Variants in PLCL1 observed in about 807,000 individuals in gnomAD.
The protein encoded by PLCL1 is phospholipase C like 1 (inactive), also known as inactive phospholipase C-like protein 1.
PLCL1 carries 41 observed loss-of-function variants against 84.4 expected under a neutral mutation model. The ratio of observed to expected loss-of-function variants is 0.49; its 90% CI spans 0.38 to 0.63. PLCL1 has a LOEUF of 0.63. Among genes scored for constraint, PLCL1 ranks in the 30% least tolerant of loss-of-function variants. PLCL1 has a pLI of 0.00. For missense variants in PLCL1, 1,206 were observed against 1,367.8 expected, an observed-to-expected ratio of 0.88 and a Z score of 1.87; for synonymous variants, 490 against 488.3, an observed-to-expected ratio of 1.00 and a Z score of -0.05.
intron 1 of PLCL1, among the ~76,000 whole-genome samples, chr2:197,891,162 T>G (rs1422147528): frequency 6.6e-6 from 1 of 151,980 alleles, no homozygotes; most frequent in African/African-American, 2.4e-5. Flanking sequence ...TCTCCTACAT[T>G]TAGGTACTGA....
chr2:197,928,201 TA>T (rs1209072681), intron 1 of PLCL1, among the ~76,000 whole-genome samples: 2 of 152,178 alleles, frequency 1.3e-5, no homozygotes, highest in Non-Finnish European at 2.9e-5. Flanking sequence ...TCCAGAATGA[TA>T]TATGTATTAG....
rs988330950 is a variant in PLCL1, at chr2:198,147,937, A to G, written c.*975A>G. Reference sequence around the variant, plus strand: ...TAAATTTAAAGATATTGTTCAAACAATATCATATCATCACATTGAGCTGAT... The same window carrying G: ...TAAATTTAAAGATATTGTTCAAACAGTATCATATCATCACATTGAGCTGAT... On this transcript the variant is annotated 3_prime_UTR_variant, in exon 6 of 6. Transcript: ENST00000428675. 5 of 152,350 alleles carry G rather than the reference A, an allele frequency of 3.3e-5. No homozygotes were observed. Among genetic ancestry groups the G allele is most frequent in the African/African-American group, 9.6e-5 (4 of 41,478 alleles). 9.4% of individuals were successfully genotyped at this position (152,350 alleles called of 1,614,324 possible).
At chr2:197,993,856 A>G (rs1229609717) in intron 1 of PLCL1, among the ~76,000 whole-genome samples, 1 of 152,226 alleles carries the variant, frequency 6.6e-6, no homozygotes, top group East Asian at 1.9e-4. Context: ...GGATAGTAAC[A>G]GGTGGAGGCT....
chr2:197,917,680 T>C (rs961353611), intron 1 of PLCL1, among the ~76,000 whole-genome samples: 6 of 152,128 alleles, frequency 3.9e-5, no homozygotes, highest in African/African-American at 1.4e-4. Context: ...GACAAGACGA[T>C]AAAAGGAACC....
At chr2:198,021,320 A>C (rs1208317068) in intron 1 of PLCL1, among the ~76,000 whole-genome samples, 1 of 152,202 alleles carries the variant, frequency 6.6e-6, no homozygotes, top group Non-Finnish European at 1.5e-5. Flanking sequence ...CAGCACCCTA[A>C]CATCACAATT....
intron 1 of PLCL1, among the ~76,000 whole-genome samples, chr2:197,936,789 T>A (rs1338468844): frequency 1.3e-5 from 2 of 152,200 alleles, no homozygotes; most frequent in East Asian, 1.9e-4. Flanking sequence ...TTTTGTTGCT[T>A]GTGCTTTTAA....
At chr2:197,969,070 A>G (rs1406622420) in intron 1 of PLCL1, among the ~76,000 whole-genome samples, 1 of 152,142 alleles carries the variant, frequency 6.6e-6, no homozygotes, top group African/African-American at 2.4e-5. Context: ...CTATTTGTGA[A>G]CTGCATATGC....
chr2:198,101,986 G>A (rs1293707181), intron 4 of PLCL1, among the ~76,000 whole-genome samples: 2 of 151,918 alleles, frequency 1.3e-5, no homozygotes, highest in African/African-American at 4.8e-5. Context: ...GCTATACCAA[G>A]CACACACACT....
intron 3 of PLCL1, among the ~76,000 whole-genome samples, chr2:198,097,584 A>G (rs1366659307): frequency 1.3e-5 from 2 of 152,238 alleles, no homozygotes; most frequent in African/African-American, 4.8e-5. Flanking sequence ...ATTTCTAATG[A>G]CTACTCAAGG....
chr2:197,805,146 C>G lies in PLCL1; in HGVS notation c.47C>G (p.Ala16Gly). The change falls in exon 1 of 6, where the codon GCG becomes GGG. Residue 16 changes from alanine to glycine, a missense_variant. Ala to Gly is a moderately conservative substitution (Grantham distance 60, BLOSUM62 0). Coordinates refer to ENST00000428675, the MANE Select transcript of PLCL1 (RefSeq NM_006226.4). The surrounding 1 kb of genome is among the most constrained non-coding windows in gnomAD (Gnocchi z 4.0). ...AGGGAGGATCCGGCGCCGCCCGACG[C>G]GGCGGGGGGCGAAGACGACCCCCGA... is the stretch of plus-strand genomic sequence containing the variant. ...AGREDPAPPDAAGGEDDPRVG... is the reference protein window; with the variant it reads ...AGREDPAPPDGAGGEDDPRVG... 1 of 1,310,902 alleles carries G rather than the reference C, an allele frequency of 7.6e-7. No individual in the cohort carries two copies. Among genetic ancestry groups the G allele is most frequent in the Non-Finnish European group, 9.7e-7 (1 of 1,034,928 alleles). The allele number at this position is 1,310,902 out of a possible 1,614,324, so 81.2% of individuals were successfully genotyped here. A position where few individuals can be genotyped will look rare whatever the true frequency, so the allele number is the denominator to read the frequency against.
intron 5 of PLCL1, among the ~76,000 whole-genome samples, chr2:198,113,769 C>T (rs796366484): frequency 1.1e-4 from 16 of 151,964 alleles, no homozygotes; most frequent in African/African-American, 3.9e-4. Flanking sequence ...AAAATTTCTG[C>T]CTTGCTCATT....
At chr2:198,037,313 G>A (rs898270789) in intron 1 of PLCL1, among the ~76,000 whole-genome samples, 2 of 152,170 alleles carry the variant, frequency 1.3e-5, no homozygotes. Context: ...CTGGATAAAT[G>A]TACAGTCTTG....
intron 1 of PLCL1, among the ~76,000 whole-genome samples, chr2:197,866,602 C>T (rs1687550560): frequency 6.6e-6 from 1 of 152,008 alleles, no homozygotes; most frequent in African/African-American, 2.4e-5. Context: ...CTTGCTTTTC[C>T]AGCAGCCCTC....
At chr2:198,143,920 G>A (rs1232963489) in intron 5 of PLCL1, among the ~76,000 whole-genome samples, 1 of 150,334 alleles carries the variant, frequency 6.7e-6, no homozygotes, top group Non-Finnish European at 1.5e-5. Context: ...TGCCTATATG[G>A]TACAGCCAGT....
chr2:197,824,781 C>A (rs1356738094), intron 1 of PLCL1, among the ~76,000 whole-genome samples: 1 of 150,832 alleles, frequency 6.6e-6, no homozygotes, highest in African/African-American at 2.4e-5. Flanking sequence ...GTTTATGAGT[C>A]TGTCTTTCTT....
intron 1 of PLCL1, among the ~76,000 whole-genome samples, chr2:197,893,667 A>G (rs774547818): frequency 6.6e-6 from 1 of 152,124 alleles, no homozygotes; most frequent in Non-Finnish European, 1.5e-5. Context: ...GTGTGTTTTC[A>G]TCTCAGCATG....
chr2:198,028,920 T>C (rs187328553), intron 1 of PLCL1, among the ~76,000 whole-genome samples: 1 of 152,270 alleles, frequency 6.6e-6, no homozygotes, highest in East Asian at 1.9e-4. Context: ...AGAGAAGATA[T>C]TACAAACAAA....
At chr2:198,038,482 T>A (rs764526679) in intron 1 of PLCL1, among the ~76,000 whole-genome samples, 5 of 152,164 alleles carry the variant, frequency 3.3e-5, no homozygotes, top group Non-Finnish European at 5.9e-5. Context: ...AGTGTATTTT[T>A]TCAGTGTTAT....
chr2:197,886,337 G>A (rs771114297), intron 1 of PLCL1, among the ~76,000 whole-genome samples: 10 of 146,934 alleles, frequency 6.8e-5, no homozygotes, highest in Non-Finnish European at 1.3e-4. Flanking sequence ...GCTTGAACCC[G>A]GGAGGTGGAG....
Sources: allele counts gnomAD v4.1 joint callset (sites outside exome capture counted in the v4.1 genomes callset), GRCh38; gene constraint gnomAD v4.1.1; non-coding constraint Gnocchi (gnomAD v3.1); transcripts MANE v1.5; gene names NCBI Gene and HGNC (gene_info 2026-07-23, HGNC 2026-07-21).